The following SHANK2 variants were observed in gnomAD, a reference collection of about 807,000 sequenced individuals.
SHANK2 encodes SH3 and multiple ankyrin repeat domains protein 2.
Under a neutral mutation model 133.7 loss-of-function variants are expected in SHANK2, and 43 were observed. That is an observed-to-expected ratio of 0.32 (90% CI 0.25 to 0.41). The LOEUF is 0.41. Among genes scored for constraint, SHANK2 ranks in the 10% least tolerant of loss-of-function variants. The pLI is 1.00. For missense variants in SHANK2, 1,994 were observed against 2,235.8 expected (o/e 0.89, Z 2.18); for synonymous variants, 1,017 against 952.8 (o/e 1.07, Z -1.24).
At chr11:71,154,427 T>C (rs2135437621) in intron 2 of SHANK2, among the ~76,000 whole-genome samples, 1 of 152,284 alleles carries the variant, frequency 6.6e-6, no homozygotes, top group Non-Finnish European at 1.5e-5. Context: ...GTTGGCCAGA[T>C]GTGAGGGAAG....
intron 17 of SHANK2, among the ~76,000 whole-genome samples, chr11:70,600,926 G>C (rs1158051637): frequency 1.3e-5 from 2 of 152,134 alleles, no homozygotes; most frequent in Non-Finnish European, 2.9e-5. Context: ...CACAAACTCT[G>C]AAGGAAAGTT....
At chr11:70,889,832 C>A (rs1341213495) in intron 11 of SHANK2, among the ~76,000 whole-genome samples, 1 of 152,088 alleles carries the variant, frequency 6.6e-6, no homozygotes, top group Non-Finnish European at 1.5e-5. Flanking sequence ...GGGGCGGATG[C>A]CAGCAACATA....
intron 14 of SHANK2, among the ~76,000 whole-genome samples, chr11:70,715,909 C>T (rs1945906668): frequency 6.6e-6 from 1 of 152,204 alleles, no homozygotes; most frequent in Non-Finnish European, 1.5e-5. Context: ...AAAGACTTGT[C>T]CACGGCTGAG....
intron 17 of SHANK2, among the ~76,000 whole-genome samples, chr11:70,607,416 C>T (rs1363868380): frequency 6.6e-5 from 10 of 152,186 alleles, no homozygotes; most frequent in Admixed American, 6.5e-4. Context: ...ACATGCTTGG[C>T]CAGGTCTTCC....
chr11:70,822,237 G>A (rs528980284), intron 11 of SHANK2, among the ~76,000 whole-genome samples: 3 of 152,364 alleles, frequency 2.0e-5, no homozygotes, highest in Non-Finnish European at 2.9e-5. Context: ...AGCCACGCTT[G>A]GCTCCGAAGT....
intron 15 of SHANK2, among the ~76,000 whole-genome samples, chr11:70,663,762 C>T (rs929313267): frequency 6.6e-6 from 1 of 152,170 alleles, no homozygotes. Context: ...CCTCTTGGCT[C>T]ATCCCTGGAA....
intron 14 of SHANK2, among the ~76,000 whole-genome samples, chr11:70,754,072 G>A (rs782741918): frequency 3.3e-5 from 5 of 152,152 alleles, no homozygotes; most frequent in Non-Finnish European, 7.3e-5. Flanking sequence ...TCGGCCTCCC[G>A]AAGTGCTGGG....
intron 12 of SHANK2, among the ~76,000 whole-genome samples, chr11:70,811,061 G>A (rs1267579104): frequency 2.0e-5 from 3 of 152,134 alleles, no homozygotes; most frequent in African/African-American, 7.2e-5. Context: ...TGCAGGTCAG[G>A]TCAGCCCAGC....
chr11:71,191,425 C>G (rs1443037187), intron 2 of SHANK2, among the ~76,000 whole-genome samples: 1 of 152,056 alleles, frequency 6.6e-6, no homozygotes, highest in Non-Finnish European at 1.5e-5. Flanking sequence ...CCTCCTGAGG[C>G]CTCTCTGCTT....
chr11:70,949,634 T>TG (rs1950803793), intron 10 of SHANK2, among the ~76,000 whole-genome samples: 1 of 152,118 alleles, frequency 6.6e-6, no homozygotes, highest in African/African-American at 2.4e-5. Context: ...GCAGGGATCA[T>TG]GGGGGGCCGG....
At chr11:70,555,730 G>GAAA (rs1283740918) in intron 17 of SHANK2, among the ~76,000 whole-genome samples, 1 of 152,032 alleles carries the variant, frequency 6.6e-6, no homozygotes, top group Non-Finnish European at 1.5e-5. Flanking sequence ...TGTTTCAAAA[G>GAAA]AACAACAACA....
chr11:70,811,340 C>T (rs557476205), intron 12 of SHANK2, among the ~76,000 whole-genome samples: 19 of 152,274 alleles, frequency 1.2e-4, no homozygotes, highest in African/African-American at 4.3e-4. Flanking sequence ...AGGATTTCCA[C>T]ACCCAAAGAG....
At chr11:71,061,392 A>G (rs1950984239) in intron 9 of SHANK2, among the ~76,000 whole-genome samples, 1 of 152,224 alleles carries the variant, frequency 6.6e-6, no homozygotes, top group East Asian at 1.9e-4. Context: ...ATGCCCTAAC[A>G]GTGGACATAT....
Position 70,475,456 on chromosome 11 carries a change from GTCTC to G in SHANK2, c.4980-2021_4980-2018del, listed in dbSNP as rs782457737. Among the ~76,000 whole-genome samples, 56 of 152,334 alleles carry G rather than the reference GTCTC, an allele frequency of 3.7e-4. 1 individual carries two copies. Among genetic ancestry groups the G allele is most frequent in the Admixed American group, 9.8e-4 (15 of 15,300 alleles). ...ACGGGCCCCGCTGCTGGTCTAGTCT[GTCTC>G]TCTCCGTTTTTTTCTTTTCTCTTTC... is the stretch of plus-strand genomic sequence containing the variant. On this transcript the variant is annotated intron_variant, in intron 25 of 25. Coordinates refer to ENST00000601538, the MANE Select transcript of SHANK2 (RefSeq NM_012309.5).
At chr11:71,091,909 C>G (rs1272488463) in intron 8 of SHANK2, among the ~76,000 whole-genome samples, 1 of 152,232 alleles carries the variant, frequency 6.6e-6, no homozygotes, top group African/African-American at 2.4e-5. Context: ...TCACTGGAGA[C>G]AGCCGGTGAA....
chr11:70,568,035 T>C (rs1554982244), intron 17 of SHANK2, among the ~76,000 whole-genome samples: 1 of 152,298 alleles, frequency 6.6e-6, no homozygotes, highest in East Asian at 1.9e-4. Context: ...CATCAGCTGA[T>C]GGCCAGTACT....
chr11:70,638,034 G>T (rs1555004995), intron 17 of SHANK2, among the ~76,000 whole-genome samples: 1 of 152,250 alleles, frequency 6.6e-6, no homozygotes, highest in Non-Finnish European at 1.5e-5. Context: ...CAACCAGCAG[G>T]AAGCTGGAAA....
chr11:71,115,313 G>T (rs185224679), intron 4 of SHANK2, among the ~76,000 whole-genome samples: 21 of 152,072 alleles, frequency 1.4e-4, no homozygotes, highest in African/African-American at 4.8e-4. Flanking sequence ...TACTAAAAAT[G>T]CAAAAATTAG....
rs1385567817 is a variant in SHANK2 at position 71,188,249 on chromosome 11, C to T, written c.-13+36448G>A. On this transcript the variant is annotated intron_variant, in intron 2 of 25. Transcript: ENST00000601538. This position sits in a 1 kb window ranked among gnomAD's most constrained non-coding sequence, Gnocchi z 4.6. ...TCCCCTTAGTATCCCCTGCTGGTGT[C>T]ACTCTGGTCATGGACCACTGGAGCT... is the stretch of plus-strand genomic sequence containing the variant. Among the ~76,000 whole-genome samples the T allele has an allele frequency of 6.6e-6, 1 of 152,136 alleles. No homozygotes were observed.
Sources: gnomAD v4.1 joint callset for allele counts (sites outside exome capture counted in the v4.1 genomes callset) on GRCh38, gnomAD v4.1.1 for gene constraint, Gnocchi (gnomAD v3.1) non-coding constraint, MANE v1.5 for transcripts, NCBI Gene and HGNC (gene_info 2026-07-23, HGNC 2026-07-21) for gene names.